The following COL4A4 variants were observed in gnomAD, a reference collection of about 807,000 sequenced individuals.
COL4A4 encodes the protein collagen type IV alpha 4 chain, also known as collagen alpha-4(IV) chain.
Under a neutral mutation model 192.9 loss-of-function variants are expected in COL4A4, and 105 were observed. That is an observed-to-expected ratio of 0.54 (90% CI 0.46 to 0.64). The LOEUF (loss-of-function observed/expected upper bound fraction) is 0.64. Ranked by LOEUF, COL4A4 falls within the 30% of genes least tolerant of loss-of-function variation. The probability of loss-of-function intolerance (pLI) is 0.00; values close to 1 mark genes in which losing one functional copy is unlikely to be tolerated. For synonymous variants in COL4A4, 762 were observed against 769.9 expected, an observed-to-expected ratio of 0.99 and a Z score of 0.17; for missense variants, 1,967 against 2,169.3, an observed-to-expected ratio of 0.91 and a Z score of 1.85.
rs1559480099 is a variant in COL4A4, at chr2:227,042,165, C to A, written c.3488G>T (p.Gly1163Val). 6.2e-6 allele frequency: 10 copies of A among 1,607,500 alleles called. No homozygotes were observed. Among genetic ancestry groups the A allele is most frequent in the Non-Finnish European group, 8.5e-6 (10 of 1,174,014 alleles). The change falls in exon 37 of 48, where the codon GGT becomes GTT. Residue 1163 changes from glycine (G) to valine (V), a missense_variant. Physicochemically the swap from Gly to Val is moderately radical, Grantham distance 109 (BLOSUM62 -3). Coordinates refer to ENST00000396625, the MANE Select transcript of COL4A4 (RefSeq NM_000092.5). ...TGACTTACCTTTTATTCCCGGAGGA[C>A]CTGGTATCCCTGGATCCCCCTGGAG... Reference protein sequence around the residue: ...RGLQGDPGIPGPPGIKGPSGS... With the variant: ...RGLQGDPGIPVPPGIKGPSGS...
chr2:226,979,705 G>A, the COL4A4 span, among the ~76,000 whole-genome samples: 12 of 152,312 alleles, frequency 7.9e-5, no homozygotes, highest in African/African-American at 2.4e-4. Flanking sequence ...ACATTGGGGC[G>A]CATCTTCCTC....
chr2:226,984,916 C>T, the COL4A4 span, among the ~76,000 whole-genome samples: 3 of 128,608 alleles, frequency 2.3e-5, no homozygotes, highest in Non-Finnish European at 4.8e-5. Flanking sequence ...CTGATGCTCT[C>T]CTGGGGGTTG....
At chr2:226,988,303 T>C in the COL4A4 span, 1 of 1,543,346 alleles carries the variant, frequency 6.5e-7, no homozygotes, top group Non-Finnish European at 8.7e-7. Flanking sequence ...GTCCTTCCCT[T>C]CCACTGTGCC....
At chr2:227,025,365 G>T (rs1419105546) in intron 43 of COL4A4, among the ~76,000 whole-genome samples, 1 of 152,192 alleles carries the variant, frequency 6.6e-6, no homozygotes, top group Non-Finnish European at 1.5e-5. Flanking sequence ...TGGACTTGAG[G>T]GTGTGATAGG....
intron 10 of COL4A4, 158 bp downstream of exon 10, chr2:227,109,066 A>G (rs908425769): frequency 3.1e-5 from 28 of 896,364 alleles, no homozygotes; most frequent in Non-Finnish European, 4.9e-5. Context: ...CTGTGCTTCA[A>G]GATGGAGTCC....
the COL4A4 span, among the ~76,000 whole-genome samples, chr2:226,978,176 C>T: frequency 4.1e-4 from 63 of 152,284 alleles, no homozygotes; most frequent in African/African-American, 1.4e-3. Flanking sequence ...AATTCTAGAA[C>T]GCTGTTACAC....
intron 25 of COL4A4, among the ~76,000 whole-genome samples, chr2:227,071,964 A>G (rs1211932356): frequency 1.3e-5 from 2 of 152,092 alleles, no homozygotes; most frequent in African/African-American, 4.8e-5. Flanking sequence ...GCACACATTG[A>G]CAACCTAAAG....
chr2:227,039,583 T>C (rs1356445958), intron 37 of COL4A4, among the ~76,000 whole-genome samples: 2 of 152,066 alleles, frequency 1.3e-5, no homozygotes, highest in East Asian at 3.9e-4. Context: ...TTGACCAAAT[T>C]GGGTGTATGT....
At chr2:226,984,077 C>A in the COL4A4 span, among the ~76,000 whole-genome samples, 7 of 152,186 alleles carry the variant, frequency 4.6e-5, no homozygotes, top group Admixed American at 4.6e-4. Flanking sequence ...CCACTTAGGA[C>A]AGAGTCCCAA....
At chr2:227,127,079 T>C (rs1488567322) in intron 4 of COL4A4, among the ~76,000 whole-genome samples, 1 of 152,186 alleles carries the variant, frequency 6.6e-6, no homozygotes, top group African/African-American at 2.4e-5. Flanking sequence ...AACAATAACC[T>C]GCTATAAAAC....
the COL4A4 span, among the ~76,000 whole-genome samples, chr2:226,972,934 A>AC: frequency 1.1e-4 from 17 of 151,496 alleles, no homozygotes; most frequent in Non-Finnish European, 2.2e-4. Flanking sequence ...TGTAGCAAAA[A>AC]AAAAAAAAAA....
At chr2:227,101,584 A>T (rs773263419) in intron 16 of COL4A4, 27 bp from the exon 17 acceptor site, 1 of 1,594,802 alleles carries the variant, frequency 6.3e-7, no homozygotes. Flanking sequence ...ACATGCCTTA[A>T]AAAAAAAAAG....
chr2:227,009,913 G>A (rs1012478615), intron 46 of COL4A4, among the ~76,000 whole-genome samples: 8 of 152,286 alleles, frequency 5.3e-5, no homozygotes, highest in Admixed American at 2.0e-4. Flanking sequence ...AACCATCAGC[G>A]TGCTGTGGCT....
At chr2:227,094,411 G>T in intron 19 of COL4A4, 122 bp from the exon 20 acceptor site, 1 of 922,410 alleles carries the variant, frequency 1.1e-6, no homozygotes, top group Non-Finnish European at 1.7e-6. Flanking sequence ...AAGAGACGGA[G>T]CTGGAGGTCA....
At chr2:227,111,076 C>A (rs986139042) in intron 9 of COL4A4, among the ~76,000 whole-genome samples, 6 of 152,126 alleles carry the variant, frequency 3.9e-5, no homozygotes, top group African/African-American at 1.4e-4. Flanking sequence ...CTCGGTGCCC[C>A]TACAGAAAAC....
In COL4A4 at chr2:227,053,965, G is replaced by A. The variant is rs148536684; in HGVS notation, c.2860+629C>T. On this transcript the variant is annotated intron_variant, in intron 31 of 47. Transcript: ENST00000396625. Reference sequence around the variant, plus strand: ...GCCCATGGGCCAAATCCTTCCTGCTGCCAGTTTCTGTACAGCACATGAGAT... The same window carrying A: ...GCCCATGGGCCAAATCCTTCCTGCTACCAGTTTCTGTACAGCACATGAGAT... 6.6e-4 allele frequency among the ~76,000 whole-genome samples: 101 copies of A among 152,206 alleles called. 4 individuals carry two copies. The East Asian group carries it at 0.015, about 23-fold the overall frequency.
At position 227,033,489 on chromosome 2, in the gene COL4A4, A is replaced by C. The variant is rs761588725; in HGVS notation, c.3506-8T>G. On this transcript the variant is annotated splice_region_variant and splice_polypyrimidine_tract_variant and intron_variant, in intron 37 of 47. Coordinates refer to ENST00000396625, the MANE Select transcript of COL4A4 (RefSeq NM_000092.5). Reference sequence around the variant, plus strand: ...CAGGTGATCCGGAGGGACCTGAAAAACACCACAGGCCTGTGACCCAAAGGA... The same window carrying C: ...CAGGTGATCCGGAGGGACCTGAAAACCACCACAGGCCTGTGACCCAAAGGA... 3.7e-6 allele frequency: 6 copies of C among 1,611,952 alleles called. No individual in the cohort carries two copies. The Admixed American group carries it at 5.0e-5, about 13-fold the overall frequency.
intron 46 of COL4A4, among the ~76,000 whole-genome samples, chr2:227,008,553 CTG>C (rs1273582112): frequency 6.6e-6 from 1 of 152,196 alleles, no homozygotes; most frequent in African/African-American, 2.4e-5. Flanking sequence ...AAGCACATCT[CTG>C]TGTTCAGGAA....
rs201227345 is a variant in COL4A4, at chr2:227,051,098, G to A, written c.3029C>T (p.Pro1010Leu). 19 of 1,614,120 alleles carry A rather than the reference G, an allele frequency of 1.2e-5. No individual in the cohort carries two copies. In the East Asian group the frequency reaches 4.2e-4, roughly 36 times the overall value. ...RRGEPGRYGP[P>L]GFHRGEPGEK... ...ACCAGGTTCCCCTCTGTGAAATCCA[G>A]GTGGTCCGTATCTTCCCGGCTCTCC... The change falls in exon 33 of 48, where the codon CCT becomes CTT. Residue 1010 changes from proline to leucine, a missense_variant. Coordinates refer to ENST00000396625, the MANE Select transcript of COL4A4 (RefSeq NM_000092.5).
Sources: gnomAD v4.1 joint callset for allele counts (sites outside exome capture counted in the v4.1 genomes callset) on GRCh38, gnomAD v4.1.1 for gene constraint, MANE v1.5 for transcripts, NCBI Gene and HGNC (gene_info 2026-07-23, HGNC 2026-07-21) for gene names.